The following FLYWCH1 variants were observed in gnomAD, a reference collection of about 807,000 sequenced individuals.
FLYWCH1 encodes the protein FLYWCH-type zinc finger 1.
FLYWCH1 carries 75 observed loss-of-function variants against 66.4 expected under a neutral mutation model. The ratio of observed to expected loss-of-function variants is 1.13; its 90% CI spans 0.94 to 1.37. The LOEUF (loss-of-function observed/expected upper bound fraction) is 1.37, where lower values mean the gene tolerates loss of function less well. FLYWCH1 is among the 40% of genes most tolerant of loss of function. The probability of loss-of-function intolerance (pLI) is 0.00; values close to 1 mark genes in which losing one functional copy is unlikely to be tolerated. For synonymous variants in FLYWCH1, 595 were observed against 429.9 expected, an observed-to-expected ratio of 1.38 and a Z score of -4.75; for missense variants, 1,334 against 1,001.8, an observed-to-expected ratio of 1.33 and a Z score of -4.48.
At chr16:2,913,816 G>A (rs1192585208) in intron 1 of FLYWCH1, among the ~76,000 whole-genome samples, 13 of 152,120 alleles carry the variant, frequency 8.5e-5, no homozygotes, top group Non-Finnish European at 1.8e-4. Flanking sequence ...TCAGTTGCGG[G>A]TAGGTGGGAG....
At chr16:2,926,086 G>A (rs1033881478) in intron 2 of FLYWCH1, among the ~76,000 whole-genome samples, 1 of 152,084 alleles carries the variant, frequency 6.6e-6, no homozygotes. Context: ...ACTGCCCCCA[G>A]GTCCCTGCCC....
chr16:2,929,450 G>C (rs1351566438), intron 2 of FLYWCH1, among the ~76,000 whole-genome samples, 163 bp from the exon 3 acceptor site: 1 of 152,160 alleles, frequency 6.6e-6, no homozygotes, highest in African/African-American at 2.4e-5. Context: ...AGGCTGCCAG[G>C]AGAGGAACTG....
rs527843004 is a variant in FLYWCH1, at chr16:2,929,706, C to T, written c.21C>T (p.Ser7=). 4.5e-5 allele frequency: 72 copies of T among 1,612,344 alleles called. 1 individual carries two copies. Among genetic ancestry groups the T allele is most frequent in the South Asian group, 1.8e-4 (16 of 90,964 alleles). MPLPEP[S]EQEGESVKAG... is the part of the protein sequence containing the mutation. ...CCGGGATGCCCCTGCCCGAGCCCAG[C>T]GAGCAGGAGGGCGAGAGTGTGAAGG... is the stretch of plus-strand genomic sequence containing the variant. Residue 7 remains serine (S), a synonymous_variant, in exon 3 of 10, where the codon AGC becomes AGT. Coordinates refer to ENST00000253928, the MANE Select transcript of FLYWCH1 (RefSeq NM_001308068.2).
At chr16:2,923,100 G>T in intron 2 of FLYWCH1, 1 of 411,922 alleles carries the variant, frequency 2.4e-6, no homozygotes, top group South Asian at 2.0e-5. Context: ...TTGTGTGTGT[G>T]GCTGTTGTGA....
rs750273321 is a variant in FLYWCH1 at position 2,933,554 on chromosome 16, C to T, written c.1221C>T (p.Asp407=). Residue 407 remains aspartate, a synonymous_variant, in exon 5 of 10, where the codon GAC becomes GAT. Transcript: ENST00000253928. ...TGCCAACCCAGCCCGAGGCCCCAGA[C>T]GAGCACCAGGACATGGACGCAGACC... ...QELPTQPEAP[D]EHQDMDADPG... 38 of 1,603,954 alleles carry T rather than the reference C, an allele frequency of 2.4e-5. No homozygotes were observed. The highest frequency in any genetic ancestry group is 1.7e-4 in the Middle Eastern group (1 of 6,018).
Position 2,933,955 on chromosome 16 carries a change from A to G in FLYWCH1, c.1489A>G (p.Asn497Asp). The G allele has an allele frequency of 6.4e-7, 1 of 1,553,160 alleles. No homozygotes were observed. Among genetic ancestry groups the G allele is most frequent in the Non-Finnish European group, 8.7e-7 (1 of 1,148,640 alleles). The change falls in exon 6 of 10, where the codon AAC (asparagine) becomes GAC (aspartate). Residue 497 changes from asparagine to aspartate, a missense_variant. By Grantham distance (23) the Asn-to-Asp change is conservative. Transcript: ENST00000253928. ...CCTGAGGCAGCGGGAGAAACGCCCCAACACGGCGCAGCGGGGGAGCCCAGG... is the reference window on the plus strand; with the variant it reads ...CCTGAGGCAGCGGGAGAAACGCCCCGACACGGCGCAGCGGGGGAGCCCAGG... ...EALRQREKRP[N>D]TAQRGSPGGP...
Position 2,938,341 on chromosome 16 carries a change from C to G in FLYWCH1, c.1935C>G (p.Thr645=). The G allele has an allele frequency of 1.2e-6, 2 of 1,604,370 alleles. No homozygotes were observed. The highest frequency in any genetic ancestry group is 1.7e-6 in the Non-Finnish European group (2 of 1,175,056). The change falls in exon 8 of 10, where the codon ACC becomes ACG. Residue 645 remains threonine, a synonymous_variant. Transcript: ENST00000253928. ...ARLGCRSRAI[T]QGHRIMVMRS... ...TGGGCTGCCGCAGCCGCGCCATAAC[C>G]CAGGGCCACCGCATCATGGTCATGC...
intron 6 of FLYWCH1, chr16:2,936,433 C>T (rs762818313): frequency 2.2e-6 from 1 of 453,952 alleles, no homozygotes; most frequent in Non-Finnish European, 4.4e-6. Context: ...AAGGTAGTTC[C>T]ACAGCCAGAC....
Position 2,933,900 on chromosome 16 carries a change from C to T in FLYWCH1, c.1434C>T (p.Cys478=), listed in dbSNP as rs1207510706. 6.3e-7 allele frequency: 1 copy of T among 1,582,602 alleles called. No homozygotes were observed. Among genetic ancestry groups the T allele is most frequent in the Non-Finnish European group, 8.6e-7 (1 of 1,164,904 alleles). Residue 478 remains cysteine, a synonymous_variant, in exon 6 of 10, where the codon TGC becomes TGT. Transcript: ENST00000253928. ...GGGTGACTGTCATGCGTGGTCACTG[C>T]CACCCGCCCGACCTGGGAGGCCTGG... ...GRRVTVMRGH[C]HPPDLGGLEA...
In FLYWCH1 at chr16:2,940,017, A is replaced by T; in HGVS notation, c.2051-15A>T. 6.3e-7 allele frequency: 1 copy of T among 1,596,558 alleles called. No individual in the cohort carries two copies. The highest frequency in any genetic ancestry group is 8.5e-7 in the Non-Finnish European group (1 of 1,169,846). On this transcript the variant is annotated splice_polypyrimidine_tract_variant and intron_variant, in intron 8 of 9. Transcript: ENST00000253928. The stretch of plus-strand genomic sequence containing the variant: ...GAAGAATTATTAATTCATATTTTCA[A>T]TTATTTTTCCACAGAAAAGATTCAA...
chr16:2,939,957 G>A, intron 8 of FLYWCH1, 75 bp from the exon 9 acceptor site: 1 of 1,523,744 alleles, frequency 6.6e-7, no homozygotes, highest in Non-Finnish European at 8.9e-7. Context: ...TCGTTAACAA[G>A]GTGTGTGTCC....
In FLYWCH1 at chr16:2,933,332, C is replaced by A; in HGVS notation, c.999C>A (p.Pro333=). Reference sequence around the variant, plus strand: ...TGATGCGTGGGCACTGCCACCAGCCCGATATGGAGGGCCTGGAAGCCCGGC... The same window carrying A: ...TGATGCGTGGGCACTGCCACCAGCCAGATATGGAGGGCCTGGAAGCCCGGC... ...VTVMRGHCHQ[P]DMEGLEARRQ... is the part of the protein sequence containing the mutation. The change falls in exon 5 of 10, where the codon CCC becomes CCA. Residue 333 remains proline (P), a synonymous_variant. Coordinates refer to ENST00000253928, the MANE Select transcript of FLYWCH1 (RefSeq NM_001308068.2). 6.2e-7 allele frequency: 1 copy of A among 1,609,052 alleles called. No individual in the cohort carries two copies. Among genetic ancestry groups the A allele is most frequent in the East Asian group, 2.2e-5 (1 of 44,592 alleles).
At chr16:2,941,161 C>T (rs151265661) in intron 9 of FLYWCH1, among the ~76,000 whole-genome samples, 6 of 152,176 alleles carry the variant, frequency 3.9e-5, no homozygotes, top group Non-Finnish European at 7.4e-5. Flanking sequence ...TATAAGAAAC[C>T]AGTGAGTCAG....
intron 7 of FLYWCH1, 72 bp from the exon 8 acceptor site, chr16:2,938,112 A>G (rs34921588): frequency 0.28 from 410,806 of 1,449,626 alleles, 59,798 homozygotes; most frequent in Admixed American, 0.35. Context: ...TGGCTGGGGG[A>G]TACAAATCAG....
At chr16:2,936,191 G>A (rs1269343935) in intron 6 of FLYWCH1, 17 of 336,134 alleles carry the variant, frequency 5.1e-5, no homozygotes, top group South Asian at 3.4e-4. Flanking sequence ...GATTACAGGC[G>A]TGAGCCACCG....
intron 2 of FLYWCH1, among the ~76,000 whole-genome samples, chr16:2,918,302 C>T (rs12709139): frequency 0.31 from 47,508 of 151,676 alleles, 7,878 homozygotes; most frequent in South Asian, 0.46. Flanking sequence ...CGGCCGCCAC[C>T]GCGCCCAGCT....
chr16:2,941,984 A>G, intron 9 of FLYWCH1, among the ~76,000 whole-genome samples: 1 of 138,864 alleles, frequency 7.2e-6, no homozygotes, highest in African/African-American at 2.8e-5. Context: ...GCGACAGAGC[A>G]AGACTCATCT....
intron 9 of FLYWCH1, among the ~76,000 whole-genome samples, chr16:2,946,494 T>C (rs1328693233): frequency 6.6e-6 from 1 of 151,810 alleles, no homozygotes. Flanking sequence ...GCTAATTTTT[T>C]GTATTTTTAG....
intron 1 of FLYWCH1, among the ~76,000 whole-genome samples, chr16:2,913,906 C>T (rs1419502677): frequency 1.3e-5 from 2 of 152,062 alleles, no homozygotes; most frequent in South Asian, 2.1e-4. Flanking sequence ...GGGCAGGTCT[C>T]ACTATGTTGC....
Sources: allele counts gnomAD v4.1 joint callset (sites outside exome capture counted in the v4.1 genomes callset), GRCh38; gene constraint gnomAD v4.1.1; transcripts MANE v1.5; gene names NCBI Gene and HGNC (gene_info 2026-07-23, HGNC 2026-07-21).